CRNKL1: variants seen among roughly 807,000 people sequenced by gnomAD.
CRNKL1 encodes the protein crooked neck-like protein 1.
A neutral mutation model predicts 103.7 loss-of-function variants in CRNKL1; 35 were observed. The ratio of observed to expected loss-of-function variants is 0.34; its 90% CI spans 0.26 to 0.45. The LOEUF (loss-of-function observed/expected upper bound fraction) is 0.45, where lower values mean the gene tolerates loss of function less well. CRNKL1 is among the 20% of genes least tolerant of loss of function. The probability of loss-of-function intolerance (pLI) is 1.00; values close to 1 mark genes in which losing one functional copy is unlikely to be tolerated. For synonymous variants in CRNKL1, 267 were observed against 282.6 expected (o/e 0.94, Z 0.55); for missense variants, 645 against 836.0 (o/e 0.77, Z 2.82).
rs765876399 is a variant in CRNKL1 at position 20,045,396 on chromosome 20, T to C, written c.713A>G (p.Tyr238Cys). 3 of 1,613,878 alleles carry C rather than the reference T, an allele frequency of 1.9e-6. No homozygotes were observed. Among genetic ancestry groups the C allele is most frequent in the South Asian group, 2.2e-5 (2 of 91,054 alleles). Residue 238 changes from tyrosine to cysteine, a missense_variant, in exon 6 of 14, where the codon TAT becomes TGT. Tyr to Cys is a radical substitution (Grantham distance 194, BLOSUM62 -2). Coordinates refer to ENST00000536226, the MANE Select transcript of CRNKL1 (RefSeq NM_001278628.2). ...TCCAAAGAATTCCACAGCTCTCTCA[T>C]ACACTTTCCGTGCATGGGCAAAATA... ...HAYFAHARKV[Y>C]ERAVEFFGDE...
Position 20,041,627 on chromosome 20 carries a change from T to A in CRNKL1, c.1165-2A>T, listed in dbSNP as rs372668743. 1.2e-6 allele frequency: 2 copies of A among 1,610,016 alleles called. No individual in the cohort carries two copies. Among genetic ancestry groups the A allele is most frequent in the Non-Finnish European group, 1.7e-6 (2 of 1,176,668 alleles). On this transcript the variant is annotated splice_acceptor_variant, in intron 8 of 13. Transcript: ENST00000536226. LOFTEE classifies it high-confidence loss of function. ...CACCTGTCTTGTCCTCTCAGGATCC[T>A]GTATTAGGATAAGAAATTTTCACAA...
Position 20,052,404 on chromosome 20 carries a change from G to A in CRNKL1, c.-62C>T. 1.2e-6 allele frequency: 2 copies of A among 1,614,212 alleles called. No homozygotes were observed. The highest frequency in any genetic ancestry group is 1.7e-6 in the Non-Finnish European group (2 of 1,180,046). ...CACGGACGCTAGAAATCGGCTCTGA[G>A]AGCTCACCGAAACCACAAAGCTTTC... is the stretch of plus-strand genomic sequence containing the variant. On this transcript the variant is annotated 5_prime_UTR_variant, in exon 1 of 14. Coordinates refer to ENST00000536226, the MANE Select transcript of CRNKL1 (RefSeq NM_001278628.2).
upstream of CRNKL1, chr20:20,052,862 C>T (rs770369790): frequency 5.2e-6 from 4 of 774,092 alleles, no homozygotes; most frequent in Non-Finnish European, 8.2e-6. Context: ...GCATTGCATT[C>T]TAGTAGTCTC....
At chr20:20,041,169 G>A (rs532582405) in intron 9 of CRNKL1, among the ~76,000 whole-genome samples, 7 of 152,320 alleles carry the variant, frequency 4.6e-5, no homozygotes, top group East Asian at 1.9e-4. Context: ...TTTGTTTCTC[G>A]TGCTGGGAAA....
Position 20,051,612 on chromosome 20 carries a change from T to C in CRNKL1, c.51+680A>G, listed in dbSNP as rs149580868. On this transcript the variant is annotated intron_variant, in intron 1 of 13. Transcript: ENST00000536226. ...CCTGCGAGTCAGACAAATAGTTATG[T>C]AAAGGTCCAGTTCAAGAGAGTCATC... Among the ~76,000 whole-genome samples, 487 of 152,328 alleles carry C rather than the reference T, an allele frequency of 3.2e-3. 9 individuals carry two copies. The highest frequency in any genetic ancestry group is 0.022 in the Admixed American group (338 of 15,300).
At chr20:20,043,445 C>T (rs1282395432) in intron 7 of CRNKL1, 47 bp downstream of exon 7, 4 of 1,564,766 alleles carry the variant, frequency 2.6e-6, no homozygotes, top group Non-Finnish European at 3.5e-6. Context: ...TATTGATGAG[C>T]ACATCTTGGG....
intron 10 of CRNKL1, among the ~76,000 whole-genome samples, chr20:20,040,233 G>A (rs541484913): frequency 3.3e-5 from 5 of 151,130 alleles, no homozygotes; most frequent in Admixed American, 1.3e-4. Flanking sequence ...GATCATTTCC[G>A]CCCAGGAGGC....
chr20:20,038,479 T>C, intron 11 of CRNKL1, 29 bp from the exon 12 acceptor site: 1 of 1,346,988 alleles, frequency 7.4e-7, no homozygotes, highest in Non-Finnish European at 1.0e-6. Flanking sequence ...TGGGTCAGTC[T>C]TGACATTTAC....
chr20:20,050,886 G>A lies in CRNKL1; in HGVS notation c.52-264C>T, dbSNP rs1468538873. Among the ~76,000 whole-genome samples, 3 of 152,198 alleles carry A rather than the reference G, an allele frequency of 2.0e-5. No individual in the cohort carries two copies. The East Asian group carries it at 5.8e-4, about 29-fold the overall frequency. ...AAATAATAGCAAGTTTTCCCTTTTA[G>A]ATGAGTATAATAATAAACTTTGAGG... On this transcript the variant is annotated intron_variant, in intron 1 of 13. Coordinates refer to ENST00000536226, the MANE Select transcript of CRNKL1 (RefSeq NM_001278628.2).
intron 9 of CRNKL1, 87 bp downstream of exon 9, chr20:20,041,479 A>T: frequency 9.4e-7 from 1 of 1,059,516 alleles, no homozygotes; most frequent in Non-Finnish European, 1.5e-6. Flanking sequence ...GCATTTTATC[A>T]ATCAATATTA....
chr20:20,038,260 AC>A, intron 12 of CRNKL1, 88 bp downstream of exon 12: 1 of 806,824 alleles, frequency 1.2e-6, no homozygotes, highest in African/African-American at 1.8e-5. Flanking sequence ...AAAAACAAAA[AC>A]CCAAACACTT....
chr20:20,055,824 G>A, upstream of CRNKL1: 1 of 708,472 alleles, frequency 1.4e-6, no homozygotes, highest in East Asian at 2.7e-5. Flanking sequence ...CCTGTTTTGA[G>A]CTCACTGGCT....
chr20:20,044,368 G>A (rs563227851), intron 6 of CRNKL1, among the ~76,000 whole-genome samples: 4 of 152,344 alleles, frequency 2.6e-5, no homozygotes, highest in East Asian at 3.9e-4. Flanking sequence ...TATAGGTTGA[G>A]TATCTCTTGT....
At chr20:20,042,215 T>G in intron 8 of CRNKL1, 110 bp downstream of exon 8, 2 of 1,017,504 alleles carry the variant, frequency 2.0e-6, no homozygotes, top group South Asian at 2.1e-5. Context: ...CTATAAAAAT[T>G]TAAAACTAAA....
intron 1 of CRNKL1, among the ~76,000 whole-genome samples, chr20:20,051,973 C>T (rs1012768560): frequency 1.3e-5 from 2 of 152,182 alleles, no homozygotes; most frequent in African/African-American, 4.8e-5. Flanking sequence ...TACAGAAACT[C>T]GTGTTTTGAG....
At chr20:20,040,606 C>G in intron 10 of CRNKL1, 80 bp downstream of exon 10, 1 of 1,039,996 alleles carries the variant, frequency 9.6e-7, no homozygotes. Context: ...AAAGTAGGAA[C>G]TGTACAACTT....
chr20:20,045,915 CA>C (rs2043587069), intron 5 of CRNKL1, among the ~76,000 whole-genome samples: 3 of 152,114 alleles, frequency 2.0e-5, no homozygotes, highest in Admixed American at 1.3e-4. Flanking sequence ...AGTTTCTAGC[CA>C]AAAGAACATG....
chr20:20,049,295 A>G (rs1251843259), intron 3 of CRNKL1, 45 bp downstream of exon 3: 1 of 1,041,046 alleles, frequency 9.6e-7, no homozygotes, highest in East Asian at 2.4e-5. Flanking sequence ...GTATCTGTTA[A>G]TCTATGAATC....
intron 11 of CRNKL1, chr20:20,038,733 C>T: frequency 3.6e-6 from 1 of 279,574 alleles, no homozygotes. Flanking sequence ...AGAAACTTGC[C>T]AAGCATCTCC....
Sources: allele counts gnomAD v4.1 joint callset (sites outside exome capture counted in the v4.1 genomes callset), GRCh38; gene constraint gnomAD v4.1.1; transcripts MANE v1.5; gene names NCBI Gene and HGNC (gene_info 2026-07-23, HGNC 2026-07-21).